The following ARHGAP18 variants were observed in gnomAD, a reference collection of about 807,000 sequenced individuals.
ARHGAP18 encodes the protein rho GTPase-activating protein 18.
ARHGAP18 carries 67 observed loss-of-function variants against 86.2 expected under a neutral mutation model. The ratio of observed to expected loss-of-function variants is 0.78; its 90% CI spans 0.64 to 0.95. The LOEUF is 0.95. ARHGAP18 is among the 40% of genes least tolerant of loss of function. The pLI is 0.00. For missense variants in ARHGAP18, 691 were observed against 780.4 expected, an observed-to-expected ratio of 0.89 and a Z score of 1.37; for synonymous variants, 283 against 280.4, an observed-to-expected ratio of 1.01 and a Z score of -0.09.
chr6:129,599,356 TC>T lies in ARHGAP18; in HGVS notation c.1573-1del. ...ACTTGGTTTACAATAAACTTGGGAA[TC>T]TATAGAGAAAAGGAATTAAGCTTAG... On this transcript the variant is annotated splice_acceptor_variant, in intron 11 of 14. Transcript: ENST00000368149. LOFTEE classifies it high-confidence loss of function. 6.5e-7 allele frequency: 1 copy of T among 1,539,060 alleles called. No individual in the cohort carries two copies. Among genetic ancestry groups the T allele is most frequent in the Admixed American group, 2.2e-5 (1 of 45,440 alleles).
intron 7 of ARHGAP18, among the ~76,000 whole-genome samples, chr6:129,611,822 A>G (rs1486329031): frequency 6.6e-6 from 1 of 152,224 alleles, no homozygotes; most frequent in Non-Finnish European, 1.5e-5. Context: ...GCCTTATGCT[A>G]CTTTATAACA....
At chr6:129,609,043 G>A (rs1255977952) in intron 8 of ARHGAP18, among the ~76,000 whole-genome samples, 1 of 149,928 alleles carries the variant, frequency 6.7e-6, no homozygotes, top group East Asian at 2.0e-4. Context: ...TAGAAAAAGG[G>A]AGTGGGAGAT....
intron 1 of ARHGAP18, among the ~76,000 whole-genome samples, chr6:129,677,912 T>C (rs1035515964): frequency 2.6e-5 from 4 of 152,302 alleles, no homozygotes; most frequent in South Asian, 2.1e-4. Flanking sequence ...ACAGCAATAA[T>C]ATTACCACCA....
In ARHGAP18 at chr6:129,603,948, C is replaced by G. The variant is rs552109688; in HGVS notation, c.1365+1929G>C. Reference sequence around the variant, plus strand: ...CCTTCAGATGACAACTGAAGGCGTGCTGCTAGCACTGGATAAGTCAGGGAA... The same window carrying G: ...CCTTCAGATGACAACTGAAGGCGTGGTGCTAGCACTGGATAAGTCAGGGAA... On this transcript the variant is annotated intron_variant, in intron 10 of 14. Coordinates refer to ENST00000368149, the MANE Select transcript of ARHGAP18 (RefSeq NM_033515.3). Among the ~76,000 whole-genome samples, 4 of 152,302 alleles carry G rather than the reference C, an allele frequency of 2.6e-5. No homozygotes were observed. In the South Asian group the frequency reaches 8.3e-4, roughly 32 times the overall value.
intron 1 of ARHGAP18, among the ~76,000 whole-genome samples, chr6:129,670,586 C>T (rs576700914): frequency 6.6e-6 from 1 of 152,194 alleles, no homozygotes; most frequent in Admixed American, 6.5e-5. Context: ...GAGAAGGCTA[C>T]GTTGGTGGAC....
At chr6:129,685,282 G>C (rs7758905) in intron 1 of ARHGAP18, among the ~76,000 whole-genome samples, 1 of 151,936 alleles carries the variant, frequency 6.6e-6, no homozygotes, top group South Asian at 2.1e-4. Context: ...CGAGGTGGGC[G>C]GATCAATTGA....
chr6:129,622,972 G>T (rs1384036829), intron 5 of ARHGAP18, among the ~76,000 whole-genome samples: 1 of 126,922 alleles, frequency 7.9e-6, no homozygotes, highest in Non-Finnish European at 1.6e-5. Context: ...TTGCACTCTA[G>T]CCTGGGCAAC....
At chr6:129,609,302 T>C (rs913270555) in intron 8 of ARHGAP18, among the ~76,000 whole-genome samples, 4 of 152,180 alleles carry the variant, frequency 2.6e-5, no homozygotes, top group Non-Finnish European at 5.9e-5. Flanking sequence ...GCTGCATAAT[T>C]TGGCATATGA....
At chr6:129,613,712 GA>G (rs1240846541) in intron 7 of ARHGAP18, among the ~76,000 whole-genome samples, 3 of 152,018 alleles carry the variant, frequency 2.0e-5, no homozygotes, top group Non-Finnish European at 4.4e-5. Context: ...ATATCTCACT[GA>G]AAATAACATT....
chr6:129,669,270 C>T (rs1364029130), intron 1 of ARHGAP18, among the ~76,000 whole-genome samples: 1 of 151,934 alleles, frequency 6.6e-6, no homozygotes, highest in Admixed American at 6.6e-5. Context: ...CTCCCGGGTT[C>T]ACGCCATTCT....
At chr6:129,624,179 C>T (rs1002889235) in intron 5 of ARHGAP18, among the ~76,000 whole-genome samples, 3 of 152,140 alleles carry the variant, frequency 2.0e-5, no homozygotes, top group Admixed American at 6.5e-5. Context: ...TAATTAGATT[C>T]TACTGTCCTT....
chr6:129,591,561 T>C (rs982917257), intron 12 of ARHGAP18, among the ~76,000 whole-genome samples: 2 of 152,234 alleles, frequency 1.3e-5, no homozygotes, highest in Non-Finnish European at 2.9e-5. Context: ...AAGTTTATAT[T>C]TCTAAACCTG....
chr6:129,587,441 C>T (rs1162405255), intron 12 of ARHGAP18, among the ~76,000 whole-genome samples: 2 of 152,148 alleles, frequency 1.3e-5, no homozygotes, highest in Non-Finnish European at 2.9e-5. Flanking sequence ...TCATGAAGAG[C>T]TGAATGTATT....
intron 1 of ARHGAP18, among the ~76,000 whole-genome samples, chr6:129,704,940 G>A (rs919017532): frequency 6.6e-6 from 1 of 152,122 alleles, no homozygotes; most frequent in Non-Finnish European, 1.5e-5. Flanking sequence ...AGGGCTCTTT[G>A]CTCTCTGGGT....
chr6:129,633,434 C>CAAA (rs34853507), intron 4 of ARHGAP18, among the ~76,000 whole-genome samples: 14,058 of 104,002 alleles, frequency 0.14, 1,072 homozygotes, highest in Middle Eastern at 0.18. Context: ...GACTCCACCT[C>CAAA]AAAAAAAAAA....
At chr6:129,635,021 C>T (rs1216694884) in intron 3 of ARHGAP18, among the ~76,000 whole-genome samples, 4 of 152,072 alleles carry the variant, frequency 2.6e-5, no homozygotes, top group African/African-American at 9.7e-5. Context: ...CGGGGCCTTC[C>T]AAAGGTTTAT....
intron 12 of ARHGAP18, among the ~76,000 whole-genome samples, chr6:129,593,899 AATT>A (rs1219546491): frequency 6.6e-6 from 1 of 152,220 alleles, no homozygotes; most frequent in Non-Finnish European, 1.5e-5. Context: ...ACCTGGCTCA[AATT>A]ATTAATTAAC....
intron 12 of ARHGAP18, among the ~76,000 whole-genome samples, chr6:129,585,831 C>A (rs1323758187): frequency 6.6e-6 from 1 of 152,184 alleles, no homozygotes; most frequent in Non-Finnish European, 1.5e-5. Context: ...TCCAACCTCC[C>A]AATTCCAAGC....
intron 12 of ARHGAP18, among the ~76,000 whole-genome samples, chr6:129,593,037 A>G (rs1384467879): frequency 6.6e-6 from 1 of 152,152 alleles, no homozygotes; most frequent in East Asian, 1.9e-4. Context: ...ACACAAACAC[A>G]CCAATAGGAA....
Sources: allele counts gnomAD v4.1 joint callset (sites outside exome capture counted in the v4.1 genomes callset), GRCh38; gene constraint gnomAD v4.1.1; transcripts MANE v1.5; gene names NCBI Gene and HGNC (gene_info 2026-07-23, HGNC 2026-07-21).